DPP8: variants seen among roughly 807,000 people sequenced by gnomAD.
The protein encoded by DPP8 is dipeptidyl peptidase 8, also known as DPP VIII.
Under a neutral mutation model 107.5 loss-of-function variants are expected in DPP8, and 31 were observed. That is an observed-to-expected ratio of 0.29 (90% CI 0.22 to 0.39). DPP8 has a LOEUF of 0.39. Ranked by LOEUF, DPP8 falls within the 10% of genes least tolerant of loss-of-function variation. DPP8 has a pLI of 1.00. For missense variants in DPP8, 842 were observed against 1,076.1 expected (o/e 0.78, Z 3.04); for synonymous variants, 381 against 356.6 (o/e 1.07, Z -0.77).
At position 65,503,391 on chromosome 15, in the gene DPP8, C is replaced by G. The variant is rs568913418; in HGVS notation, c.373-2612G>C. 2.6e-5 allele frequency among the ~76,000 whole-genome samples: 4 copies of G among 152,132 alleles called. No homozygotes were observed. In the East Asian group the frequency reaches 7.7e-4, roughly 29 times the overall value. On this transcript the variant is annotated intron_variant, in intron 3 of 19. Coordinates refer to ENST00000300141, the MANE Select transcript of DPP8 (RefSeq NM_130434.5). ...AAAGTGCTGGGATTACAGGCGTGAG[C>G]CACCATGCCCAGCCTGAAGTATTTC...
chr15:65,513,672 A>T (rs352473), intron 1 of DPP8, among the ~76,000 whole-genome samples: 142,673 of 152,344 alleles, frequency 0.94, 66,820 homozygotes, highest in Admixed American at 0.96. Flanking sequence ...AACAGTATTT[A>T]GATAAAAAGT....
intron 5 of DPP8, among the ~76,000 whole-genome samples, chr15:65,494,754 G>C (rs2068414976): frequency 6.6e-6 from 1 of 151,108 alleles, no homozygotes; most frequent in African/African-American, 2.4e-5. Flanking sequence ...CAGCTGTTCT[G>C]ATTTCCTGAC....
In DPP8 at chr15:65,500,591, G is replaced by T. The variant is rs1305125533; in HGVS notation, c.546+15C>A. ...GGACCCAAACCAGATTTAATCACTA[G>T]CAACTCCAACTTACCGTAAATCCTT... On this transcript the variant is annotated intron_variant, in intron 4 of 19. Transcript: ENST00000300141. The T allele has an allele frequency of 1.2e-6, 2 of 1,610,644 alleles. No individual in the cohort carries two copies. Among genetic ancestry groups the T allele is most frequent in the East Asian group, 2.2e-5 (1 of 44,828 alleles).
At chr15:65,477,429 G>T (rs1391241568) in intron 11 of DPP8, among the ~76,000 whole-genome samples, 1 of 150,940 alleles carries the variant, frequency 6.6e-6, no homozygotes, top group Non-Finnish European at 1.5e-5. Context: ...TTTAAAAAAT[G>T]TATATATATA....
intron 14 of DPP8, among the ~76,000 whole-genome samples, chr15:65,464,152 AG>A (rs2065144038): frequency 6.6e-6 from 1 of 152,018 alleles, no homozygotes; most frequent in Non-Finnish European, 1.5e-5. Flanking sequence ...TCACAAGGTC[AG>A]GAGTTTGAGA....
intron 6 of DPP8, among the ~76,000 whole-genome samples, chr15:65,489,799 CCT>C (rs1491297326): frequency 2.0e-5 from 3 of 151,920 alleles, no homozygotes; most frequent in Non-Finnish European, 1.5e-5. Context: ...CTCACTGTAA[CCT>C]CTGTCTCCTG....
At chr15:65,512,757 A>G (rs368319384) in intron 1 of DPP8, 193 bp from the exon 2 acceptor site, 2 of 569,918 alleles carry the variant, frequency 3.5e-6, no homozygotes, top group Non-Finnish European at 6.1e-6. Flanking sequence ...AAATGAAATT[A>G]AAAAAAAATT....
chr15:65,458,261 A>C (rs1020305436), intron 15 of DPP8, among the ~76,000 whole-genome samples: 1 of 150,426 alleles, frequency 6.6e-6, no homozygotes, highest in African/African-American at 2.5e-5. Flanking sequence ...TTTGTTACAC[A>C]AACTTTTTTT....
intron 5 of DPP8, among the ~76,000 whole-genome samples, chr15:65,496,218 C>T (rs56136741): frequency 4.7e-4 from 71 of 152,160 alleles, no homozygotes; most frequent in Admixed American, 3.1e-3. Context: ...CTCTTGACCT[C>T]GTGATCTGCC....
At chr15:65,494,563 T>C (rs762891328) in intron 5 of DPP8, among the ~76,000 whole-genome samples, 1 of 143,328 alleles carries the variant, frequency 7.0e-6, no homozygotes, top group Non-Finnish European at 1.5e-5. Context: ...GTCTCAGCTA[T>C]TCAGGGGTGC....
chr15:65,462,982 T>C (rs2065045784), intron 15 of DPP8, among the ~76,000 whole-genome samples: 1 of 152,226 alleles, frequency 6.6e-6, no homozygotes, highest in Non-Finnish European at 1.5e-5. Flanking sequence ...CAGTGCTAAA[T>C]AGTAGTATAG....
intron 8 of DPP8, among the ~76,000 whole-genome samples, chr15:65,482,177 T>A (rs956451866): frequency 2.0e-5 from 3 of 151,926 alleles, no homozygotes; most frequent in African/African-American, 7.3e-5. Context: ...AGACTACAGG[T>A]AAGGTGTGTG....
chr15:65,499,888 C>G (rs2069021376), intron 4 of DPP8, among the ~76,000 whole-genome samples: 1 of 152,010 alleles, frequency 6.6e-6, no homozygotes. Flanking sequence ...CTTAATGTAA[C>G]TAGAAAGATT....
chr15:65,465,793 T>C (rs1407129053), intron 14 of DPP8, among the ~76,000 whole-genome samples: 1 of 152,054 alleles, frequency 6.6e-6, no homozygotes, highest in East Asian at 1.9e-4. Flanking sequence ...CCTGACCTTG[T>C]CATCCACCTA....
chr15:65,455,917 T>A (rs898263606), intron 16 of DPP8: 4 of 1,122,092 alleles, frequency 3.6e-6, no homozygotes, highest in Non-Finnish European at 4.8e-6. Context: ...ACAGAACAAA[T>A]CTCAATTATT....
At chr15:65,480,491 ATC>A in intron 9 of DPP8, 92 bp from the exon 10 acceptor site, 1 of 811,020 alleles carries the variant, frequency 1.2e-6, no homozygotes. Context: ...TATCAATTAT[ATC>A]TGTAATCACC....
chr15:65,509,156 C>G (rs1363093903), intron 2 of DPP8, among the ~76,000 whole-genome samples: 1 of 152,160 alleles, frequency 6.6e-6, no homozygotes, highest in Non-Finnish European at 1.5e-5. Flanking sequence ...TACTTCAGCA[C>G]TCAATTTTGT....
intron 11 of DPP8, among the ~76,000 whole-genome samples, chr15:65,477,670 C>G (rs1358901642): frequency 6.6e-6 from 1 of 151,468 alleles, no homozygotes; most frequent in Non-Finnish European, 1.5e-5. Context: ...GCTGGGACTA[C>G]AGGCGCCCAC....
Position 65,463,816 on chromosome 15 carries a change from T to A in DPP8, c.1916A>T (p.Asp639Val). The change falls in exon 15 of 20, where the codon GAT becomes GTT. Residue 639 changes from aspartate (D) to valine (V), a missense_variant. Asp to Val is a radical substitution (Grantham distance 152). This residue lies in a region of DPP8 where 179 missense variants were observed against 318.0 expected (regional missense o/e 0.56). Coordinates refer to ENST00000300141, the MANE Select transcript of DPP8 (RefSeq NM_130434.5). ...AGGATATTTCTTTCCAGGCTGTAGA[T>A]CATGAGGCTTGTAGAGCATCCCATA... ...TLYGMLYKPH[D>V]LQPGKKYPTV... 1 of 1,612,980 alleles carries A rather than the reference T, an allele frequency of 6.2e-7. No individual in the cohort carries two copies. The highest frequency in any genetic ancestry group is 8.5e-7 in the Non-Finnish European group (1 of 1,179,430).
Sources: gnomAD v4.1 joint callset for allele counts (sites outside exome capture counted in the v4.1 genomes callset) on GRCh38, gnomAD v4.1.1 for gene constraint, gnomAD v4.1.1 regional missense constraint, MANE v1.5 for transcripts, NCBI Gene and HGNC (gene_info 2026-07-23, HGNC 2026-07-21) for gene names.